Variants in WDR70 observed in about 807,000 individuals in gnomAD.
WDR70 encodes the protein WD repeat domain 70.
Under a neutral mutation model 88.6 loss-of-function variants are expected in WDR70, and 53 were observed. The observed-to-expected ratio is 0.60, with a 90% CI of 0.48 to 0.75. WDR70 has a LOEUF of 0.75. WDR70 is among the 30% of genes least tolerant of loss of function. The pLI is 0.00. For missense variants in WDR70, 610 were observed against 823.2 expected (o/e 0.74, Z 3.17); for synonymous variants, 280 against 270.0 (o/e 1.04, Z -0.36).
intron 5 of WDR70, among the ~76,000 whole-genome samples, chr5:37,402,515 A>T (rs1048143697): frequency 1.3e-4 from 20 of 152,102 alleles, no homozygotes; most frequent in African/African-American, 4.8e-4. Flanking sequence ...AAAAATTGAT[A>T]AATAATATAT....
chr5:37,692,549 G>T (rs78243975), intron 10 of WDR70, among the ~76,000 whole-genome samples: 260 of 152,254 alleles, frequency 1.7e-3, no homozygotes, highest in African/African-American at 5.7e-3. Flanking sequence ...TGGGATGCAA[G>T]GATAGTTTAA....
chr5:37,381,757 A>G, intron 3 of WDR70, 72 bp downstream of exon 3: 1 of 1,502,924 alleles, frequency 6.7e-7, no homozygotes, highest in Non-Finnish European at 9.1e-7. Context: ...ATATTAAAAA[A>G]GAGAAAAGAA....
At chr5:37,656,717 C>G (rs1000291082) in intron 10 of WDR70, among the ~76,000 whole-genome samples, 1 of 152,212 alleles carries the variant, frequency 6.6e-6, no homozygotes, top group African/African-American at 2.4e-5. Context: ...CTGCCCAGTT[C>G]GAACTTCCCA....
chr5:37,707,948 A>AATATAT (rs70978841), intron 13 of WDR70, among the ~76,000 whole-genome samples: 85 of 33,732 alleles, frequency 2.5e-3, no homozygotes, highest in Middle Eastern at 0.042. Context: ...AAAAAAAAAA[A>AATATAT]ATATATATAT....
At chr5:37,410,788 A>G (rs755371220) in intron 5 of WDR70, among the ~76,000 whole-genome samples, 1 of 152,312 alleles carries the variant, frequency 6.6e-6, no homozygotes, top group South Asian at 2.1e-4. Context: ...CTTAGTTTCT[A>G]TATGGAAAAT....
chr5:37,648,567 T>C (rs1745306936), intron 10 of WDR70, among the ~76,000 whole-genome samples: 1 of 151,796 alleles, frequency 6.6e-6, no homozygotes, highest in Admixed American at 6.5e-5. Context: ...GAAGTCACTG[T>C]AAAATAACAC....
At chr5:37,415,827 C>G (rs71370414) in intron 5 of WDR70, among the ~76,000 whole-genome samples, 1 of 150,286 alleles carries the variant, frequency 6.7e-6, no homozygotes, top group South Asian at 2.1e-4. Context: ...CCTCACCTCC[C>G]AGACGGGGTC....
intron 10 of WDR70, among the ~76,000 whole-genome samples, chr5:37,675,703 C>A (rs1386975701): frequency 1.3e-5 from 2 of 152,090 alleles, no homozygotes; most frequent in South Asian, 2.1e-4. Flanking sequence ...CTTCGGATTG[C>A]CTTGGCGATG....
chr5:37,661,224 C>G (rs1745692686), intron 10 of WDR70, among the ~76,000 whole-genome samples: 1 of 152,182 alleles, frequency 6.6e-6, no homozygotes, highest in Non-Finnish European at 1.5e-5. Context: ...CAGTATGGCT[C>G]TAGAACATAG....
chr5:37,565,112 T>A (rs1332662094), intron 9 of WDR70, among the ~76,000 whole-genome samples: 1 of 152,172 alleles, frequency 6.6e-6, no homozygotes, highest in Non-Finnish European at 1.5e-5. Flanking sequence ...CTTACAGATC[T>A]TGTTCTTTCT....
chr5:37,553,061 A>G (rs115151612), intron 9 of WDR70, among the ~76,000 whole-genome samples: 79 of 152,280 alleles, frequency 5.2e-4, no homozygotes, highest in African/African-American at 1.8e-3. Flanking sequence ...AGTAAGTCCT[A>G]TTGTCAATTT....
Position 37,519,508 on chromosome 5 carries a change from G to A in WDR70, c.917+2918G>A, listed in dbSNP as rs75651859. On this transcript the variant is annotated intron_variant, in intron 9 of 17. Transcript: ENST00000265107. ...TACATCCCAGACTGGGCGGCCGGGC[G>A]GAGGCGCTCCTCACCTCCCAGACGG... is the stretch of plus-strand genomic sequence containing the variant. Among the ~76,000 whole-genome samples the A allele has an allele frequency of 2.9e-3, 367 of 126,930 alleles. 1 individual carries two copies. The highest frequency in any genetic ancestry group is 0.011 in the African/African-American group (352 of 32,940). 83.3% of individuals were successfully genotyped at this position (126,930 alleles called of 152,430 possible).
intron 11 of WDR70, among the ~76,000 whole-genome samples, chr5:37,699,400 T>TACACACACACACACACAC (rs780871678): frequency 2.0e-4 from 30 of 147,048 alleles, no homozygotes; most frequent in Admixed American, 1.2e-3. Context: ...TGTATATATA[T>TACACACACACACACACAC]ATACACACAC....
At chr5:37,483,101 G>GCT (rs1270855677) in intron 8 of WDR70, among the ~76,000 whole-genome samples, 29 of 129,874 alleles carry the variant, frequency 2.2e-4, no homozygotes, top group East Asian at 6.9e-4. Context: ...AGTGGTCTCA[G>GCT]TTTTTTTTTT....
chr5:37,455,124 T>G lies in WDR70; in HGVS notation c.686+11752T>G, dbSNP rs1197462720. Among the ~76,000 whole-genome samples the G allele has an allele frequency of 3.3e-5, 5 of 152,308 alleles. No homozygotes were observed. In the East Asian group the frequency reaches 9.6e-4, roughly 29 times the overall value. ...GTGCACAGATTCTTAAGTTGATATC[T>G]CTCATGTCTTTCAAGTATTACTTCC... On this transcript the variant is annotated intron_variant, in intron 7 of 17. Coordinates refer to ENST00000265107, the MANE Select transcript of WDR70 (RefSeq NM_018034.4).
At chr5:37,677,403 T>C (rs1425217644) in intron 10 of WDR70, among the ~76,000 whole-genome samples, 1 of 152,254 alleles carries the variant, frequency 6.6e-6, no homozygotes, top group African/African-American at 2.4e-5. Flanking sequence ...CATACTGCTT[T>C]GAATGTGTCC....
chr5:37,690,150 C>T (rs976255543), intron 10 of WDR70, among the ~76,000 whole-genome samples: 27 of 151,958 alleles, frequency 1.8e-4, no homozygotes, highest in Non-Finnish European at 1.3e-4. Context: ...AGTGAGAAGA[C>T]AAGGTTAGAG....
chr5:37,685,268 G>A (rs1037249572), intron 10 of WDR70, among the ~76,000 whole-genome samples: 1 of 152,050 alleles, frequency 6.6e-6, no homozygotes, highest in African/African-American at 2.4e-5. Flanking sequence ...GTTGGGCAGG[G>A]AAGGCAAAAT....
At chr5:37,489,326 G>T (rs57152467) in intron 8 of WDR70, among the ~76,000 whole-genome samples, 5 of 152,268 alleles carry the variant, frequency 3.3e-5, no homozygotes, top group African/African-American at 1.2e-4. Context: ...GAGTGGGTGG[G>T]TTGGGCCCCT....
Sources: allele counts gnomAD v4.1 joint callset (sites outside exome capture counted in the v4.1 genomes callset), GRCh38; gene constraint gnomAD v4.1.1; transcripts MANE v1.5; gene names NCBI Gene and HGNC (gene_info 2026-07-23, HGNC 2026-07-21).